Variants in RB1 observed in about 807,000 individuals in gnomAD.
RB1 encodes the protein retinoblastoma-associated protein.
RB1 carries 18 observed loss-of-function variants against 135.4 expected under a neutral mutation model. The observed-to-expected ratio is 0.13, with a 90% confidence interval of 0.09 to 0.20. The LOEUF (loss-of-function observed/expected upper bound fraction) is 0.20, where lower values mean the gene tolerates loss of function less well. Among genes scored for constraint, RB1 ranks in the 10% least tolerant of loss-of-function variants. RB1 has a pLI of 1.00. For missense variants in RB1, 868 were observed against 1,110.0 expected (o/e 0.78, Z 3.10); for synonymous variants, 365 against 373.2 (o/e 0.98, Z 0.25).
rs753349760 is a variant in RB1 at position 48,465,228 on chromosome 13, T to A, written c.2349T>A (p.Pro783=). The change falls in exon 23 of 27, where the codon CCT becomes CCA. Residue 783 remains proline (P), a synonymous_variant. Coordinates refer to ENST00000267163, the MANE Select transcript of RB1 (RefSeq NM_000321.3). The stretch of plus-strand genomic sequence containing the variant: ...AGCCCCCTACCTTGTCACCAATACC[T>A]CACATTCCTCGAAGCCCTTACAAGT... ...STRPPTLSPI[P]HIPRSPYKFP... 2.5e-6 allele frequency: 4 copies of A among 1,614,024 alleles called. No individual in the cohort carries two copies. In the Admixed American group the frequency reaches 6.7e-5, roughly 27 times the overall value.
At chr13:48,351,469 T>A (rs1952547047) in intron 6 of RB1, among the ~76,000 whole-genome samples, 2 of 152,184 alleles carry the variant, frequency 1.3e-5, no homozygotes, top group Admixed American at 6.6e-5. Context: ...AAATTCCTTA[T>A]AAATGCTGGA....
chr13:48,311,746 A>G (rs2854365), intron 2 of RB1, among the ~76,000 whole-genome samples: 141,637 of 152,112 alleles, frequency 0.93, 66,407 homozygotes, highest in East Asian at 1. Context: ...TTGCTCTGTC[A>G]CCCAGGCTGG....
At chr13:48,369,175 CT>C (rs1952733527) in intron 11 of RB1, among the ~76,000 whole-genome samples, 6 of 152,278 alleles carry the variant, frequency 3.9e-5, no homozygotes, top group Admixed American at 1.3e-4. Context: ...ACTATTTGAT[CT>C]GCATGCAACC....
chr13:48,476,697 G>C lies in RB1; in HGVS notation c.2521-4G>C, dbSNP rs902298592. 6.2e-7 allele frequency: 1 copy of C among 1,611,176 alleles called. No individual in the cohort carries two copies. Among genetic ancestry groups the C allele is most frequent in the Non-Finnish European group, 8.5e-7 (1 of 1,177,670 alleles). ...TTTAAAGTAAAGAATTCTGTAATTT[G>C]TAGACTTCTGAGAAGTTCCAGAAAA... On this transcript the variant is annotated splice_region_variant and splice_polypyrimidine_tract_variant and intron_variant, in intron 24 of 26. Coordinates refer to ENST00000267163, the MANE Select transcript of RB1 (RefSeq NM_000321.3).
intron 17 of RB1, among the ~76,000 whole-genome samples, chr13:48,383,901 T>C (rs982149376): frequency 6.6e-6 from 1 of 152,104 alleles, no homozygotes. Flanking sequence ...GTTATTTCTT[T>C]TAGAGAATTA....
intron 4 of RB1, 47 bp downstream of exon 4, chr13:48,345,246 T>G (rs1360371055): frequency 6.4e-7 from 1 of 1,572,890 alleles, no homozygotes; most frequent in Admixed American, 1.7e-5. Context: ...TTTTATGTCA[T>G]TGTTCACAAT....
At chr13:48,473,298 C>T (rs1453085077) in intron 23 of RB1, 62 bp from the exon 24 acceptor site, 1 of 1,350,182 alleles carries the variant, frequency 7.4e-7, no homozygotes, top group East Asian at 2.3e-5. Flanking sequence ...TATTTATGCT[C>T]ATCTCTGCAA....
At chr13:48,393,630 G>A (rs1233380651) in intron 17 of RB1, among the ~76,000 whole-genome samples, 1 of 152,178 alleles carries the variant, frequency 6.6e-6, no homozygotes, top group Non-Finnish European at 1.5e-5. Context: ...TATGAAATAT[G>A]TACACTTACA....
At chr13:48,474,901 T>G (rs1168859485) in intron 24 of RB1, among the ~76,000 whole-genome samples, 2 of 152,104 alleles carry the variant, frequency 1.3e-5, no homozygotes, top group East Asian at 3.8e-4. Flanking sequence ...ATTTTTAATT[T>G]TTAAATTTTT....
chr13:48,434,511 A>G (rs1248160237), intron 17 of RB1, among the ~76,000 whole-genome samples: 1 of 152,120 alleles, frequency 6.6e-6, no homozygotes, highest in East Asian at 1.9e-4. Context: ...AGCAAGTGAA[A>G]CCAGCAGAAG....
At chr13:48,389,045 A>G (rs898748257) in intron 17 of RB1, among the ~76,000 whole-genome samples, 7 of 152,120 alleles carry the variant, frequency 4.6e-5, no homozygotes, top group Non-Finnish European at 1.0e-4. Context: ...CTGTAATTCT[A>G]GCTACTCGGG....
At chr13:48,324,462 A>G (rs1367838230) in intron 2 of RB1, among the ~76,000 whole-genome samples, 3 of 150,814 alleles carry the variant, frequency 2.0e-5, no homozygotes, top group Middle Eastern at 3.4e-3. Context: ...CTTGCTTGTA[A>G]GTGAGAACAT....
rs4151461 is a variant in RB1 at position 48,345,535 on chromosome 13, G to A, written c.500+336G>A. Reference sequence around the variant, plus strand: ...TAAATTTAAACTTCTTCCTAATAGTGTTATTTAGTTTGGAACGAGAAAACA... The same window carrying A: ...TAAATTTAAACTTCTTCCTAATAGTATTATTTAGTTTGGAACGAGAAAACA... On this transcript the variant is annotated intron_variant, in intron 4 of 26. Coordinates refer to ENST00000267163, the MANE Select transcript of RB1 (RefSeq NM_000321.3). 0.012 allele frequency among the ~76,000 whole-genome samples: 1,767 copies of A among 152,210 alleles called. 67 individuals carry two copies. In the East Asian group the frequency reaches 0.12, roughly 10 times the overall value.
At chr13:48,310,415 T>C (rs1376208439) in intron 2 of RB1, among the ~76,000 whole-genome samples, 1 of 152,150 alleles carries the variant, frequency 6.6e-6, no homozygotes, top group Non-Finnish European at 1.5e-5. Context: ...CAAACAGATA[T>C]ACCATGTCCG....
Position 48,375,269 on chromosome 13 carries a change from T to C in RB1, c.1216-1649T>C, listed in dbSNP as rs4151529. Among the ~76,000 whole-genome samples the C allele has an allele frequency of 5.5e-3, 845 of 152,308 alleles. 5 individuals are homozygous for C. Among genetic ancestry groups the C allele is most frequent in the Middle Eastern group, 0.01 (3 of 294 alleles). ...TTAATTATGTAGATGATAAGTTGCA[T>C]ATGTCAAAGTGAACATGTCTTGAAG... On this transcript the variant is annotated intron_variant, in intron 12 of 26. Coordinates refer to ENST00000267163, the MANE Select transcript of RB1 (RefSeq NM_000321.3).
At chr13:48,345,932 A>G (rs1952490497) in intron 4 of RB1, among the ~76,000 whole-genome samples, 1 of 152,066 alleles carries the variant, frequency 6.6e-6, no homozygotes, top group Non-Finnish European at 1.5e-5. Context: ...GCATCTCCTT[A>G]GGAGGATGGC....
chr13:48,365,107 TGTG>T, intron 9 of RB1, 136 bp downstream of exon 9: 1 of 1,129,578 alleles, frequency 8.9e-7, no homozygotes, highest in Non-Finnish European at 1.2e-6. Flanking sequence ...CAAGTAGAAT[TGTG>T]GTGAAACTAA....
chr13:48,332,348 T>C (rs1158187405), intron 2 of RB1, among the ~76,000 whole-genome samples: 1 of 152,162 alleles, frequency 6.6e-6, no homozygotes, highest in Non-Finnish European at 1.5e-5. Flanking sequence ...ATAGGAGGAT[T>C]GCTTTAGGCC....
intron 17 of RB1, among the ~76,000 whole-genome samples, chr13:48,449,558 C>T (rs1949313018): frequency 6.6e-6 from 1 of 152,024 alleles, no homozygotes; most frequent in South Asian, 2.1e-4. Context: ...AATTTTGTAT[C>T]TCCAGCCTGG....
Sources: allele counts gnomAD v4.1 joint callset (sites outside exome capture counted in the v4.1 genomes callset), GRCh38; gene constraint gnomAD v4.1.1; transcripts MANE v1.5; gene names NCBI Gene and HGNC (gene_info 2026-07-23, HGNC 2026-07-21).